Variants in GALNT9 observed in about 807,000 individuals in gnomAD.
The protein encoded by GALNT9 is GalNAc transferase 9.
Under a neutral mutation model 63.1 loss-of-function variants are expected in GALNT9, and 47 were observed. That is an observed-to-expected ratio of 0.75 (90% CI 0.59 to 0.95). The LOEUF (loss-of-function observed/expected upper bound fraction) is 0.95, where lower values mean the gene tolerates loss of function less well. Ranked by LOEUF, GALNT9 falls within the 40% of genes least tolerant of loss-of-function variation. The pLI, the probability that GALNT9 is intolerant of heterozygous loss-of-function variation, is 0.00. For missense variants in GALNT9, 829 were observed against 874.8 expected, an observed-to-expected ratio of 0.95 and a Z score of 0.66; for synonymous variants, 396 against 365.7, an observed-to-expected ratio of 1.08 and a Z score of -0.94.
At chr12:132,287,827 A>AG (rs1338196363) in intron 1 of GALNT9, among the ~76,000 whole-genome samples, 1 of 151,908 alleles carries the variant, frequency 6.6e-6, no homozygotes, top group Non-Finnish European at 1.5e-5. Context: ...TGCTGTTCCC[A>AG]GGGGGACGGG....
chr12:132,226,384 C>T (rs1771618187), intron 6 of GALNT9, among the ~76,000 whole-genome samples: 1 of 151,200 alleles, frequency 6.6e-6, no homozygotes, highest in African/African-American at 2.4e-5. Flanking sequence ...TGTACATACA[C>T]ATCCCACACA....
intron 2 of GALNT9, chr12:132,276,378 CA>C (rs782041456): frequency 6.4e-6 from 1 of 155,116 alleles, no homozygotes; most frequent in Non-Finnish European, 1.5e-5. Flanking sequence ...CGCCTATCTC[CA>C]CGATGGTACC....
chr12:132,208,323 A>T (rs1876812593), intron 6 of GALNT9, among the ~76,000 whole-genome samples: 1 of 152,224 alleles, frequency 6.6e-6, no homozygotes, highest in Non-Finnish European at 1.5e-5. Context: ...CTAGAGGAAG[A>T]TCAGGTGAAG....
chr12:132,207,746 G>C (rs1053631619), intron 6 of GALNT9, among the ~76,000 whole-genome samples: 3 of 152,196 alleles, frequency 2.0e-5, no homozygotes, highest in Non-Finnish European at 4.4e-5. Flanking sequence ...AGCTTTCGGG[G>C]TGTGTGAGGT....
chr12:132,209,887 A>G (rs1278923156), intron 6 of GALNT9, among the ~76,000 whole-genome samples: 1 of 152,130 alleles, frequency 6.6e-6, no homozygotes, highest in Non-Finnish European at 1.5e-5. Flanking sequence ...CCTGGGGGCC[A>G]CTCTGCCTGT....
chr12:132,296,291 C>T lies in GALNT9; in HGVS notation c.239-9861G>A, dbSNP rs73475810. 0.019 allele frequency among the ~76,000 whole-genome samples: 2,961 copies of T among 152,356 alleles called. 113 individuals are homozygous for T. The highest frequency in any genetic ancestry group is 0.067 in the African/African-American group (2,799 of 41,578). ...ATGACCGCACAGCCTCATGCTCACG[C>T]CAGCCGTCCAGCCCACTCAGACCAG... On this transcript the variant is annotated intron_variant, in intron 1 of 10. Coordinates refer to ENST00000328957, the MANE Select transcript of GALNT9 (RefSeq NM_001122636.2). The surrounding 1 kb of genome is among the most constrained non-coding windows in gnomAD (Gnocchi z 4.2).
At chr12:132,223,258 CACACACCCATCCT>C (rs1877545887) in intron 6 of GALNT9, among the ~76,000 whole-genome samples, 1 of 98,616 alleles carries the variant, frequency 1.0e-5, no homozygotes. Context: ...ACATACACCC[CACACACCCATCCT>C]ACACAACCCA....
At chr12:132,272,022 C>T (rs1207491561) in intron 2 of GALNT9, among the ~76,000 whole-genome samples, 1 of 151,976 alleles carries the variant, frequency 6.6e-6, no homozygotes, top group Non-Finnish European at 1.5e-5. Flanking sequence ...CCAGAGGCTG[C>T]GCTCGAGGGC....
At chr12:132,219,734 C>T (rs527719124) in intron 6 of GALNT9, among the ~76,000 whole-genome samples, 4 of 139,486 alleles carry the variant, frequency 2.9e-5, no homozygotes, top group South Asian at 2.5e-4. Context: ...GGGTGACACC[C>T]GCCCGGGTAA....
intron 6 of GALNT9, among the ~76,000 whole-genome samples, chr12:132,212,793 C>A: frequency 2.7e-5 from 1 of 36,936 alleles, no homozygotes; most frequent in Non-Finnish European, 5.2e-5. Context: ...CTGCAGCCCT[C>A]AGACCGTGAC....
intron 2 of GALNT9, among the ~76,000 whole-genome samples, chr12:132,276,940 G>A (rs1880118412): frequency 6.6e-6 from 1 of 151,774 alleles, no homozygotes; most frequent in African/African-American, 2.4e-5. Flanking sequence ...ACACATCTGT[G>A]GACACACACA....
chr12:132,268,077 TCA>T (rs1555240404), intron 2 of GALNT9, among the ~76,000 whole-genome samples: 1 of 136,074 alleles, frequency 7.3e-6, no homozygotes, highest in Non-Finnish European at 1.6e-5. Flanking sequence ...ACTCACGCAG[TCA>T]CATGCACACA....
chr12:132,241,038 T>A (rs1591588582), intron 6 of GALNT9, among the ~76,000 whole-genome samples: 3 of 133,116 alleles, frequency 2.3e-5, no homozygotes, highest in Admixed American at 1.4e-4. Flanking sequence ...ACACACACCC[T>A]TCCAGGGGCC....
At chr12:132,211,316 C>T (rs908535332) in intron 6 of GALNT9, among the ~76,000 whole-genome samples, 3 of 152,310 alleles carry the variant, frequency 2.0e-5, no homozygotes, top group East Asian at 3.9e-4. Flanking sequence ...GAACTTATTT[C>T]TCATTGGCAA....
chr12:132,222,989 ACC>A (rs1877523459), intron 6 of GALNT9, among the ~76,000 whole-genome samples: 1 of 116,720 alleles, frequency 8.6e-6, no homozygotes, highest in South Asian at 2.8e-4. Context: ...CACAACCCAC[ACC>A]CCACATACAC....
In GALNT9 at chr12:132,319,595, T is replaced by A. The variant is rs898708666; in HGVS notation, c.238+9371A>T. 1.8e-4 allele frequency among the ~76,000 whole-genome samples: 28 copies of A among 152,074 alleles called. No individual in the cohort carries two copies. Among genetic ancestry groups the A allele is most frequent in the Admixed American group, 6.5e-5 (1 of 15,274 alleles). On this transcript the variant is annotated intron_variant, in intron 1 of 10. Coordinates refer to ENST00000328957, the MANE Select transcript of GALNT9 (RefSeq NM_001122636.2). This position sits in a 1 kb window ranked among gnomAD's most constrained non-coding sequence, Gnocchi z 5.2. ...ACATCTCCTCTTGGGTCTCTCTCTATCCGCCGGCTCCTTTCCTCGGGAGAG... is the reference window on the plus strand; with the variant it reads ...ACATCTCCTCTTGGGTCTCTCTCTAACCGCCGGCTCCTTTCCTCGGGAGAG...
At chr12:132,226,431 T>C (rs1262320105) in intron 6 of GALNT9, among the ~76,000 whole-genome samples, 1 of 130,846 alleles carries the variant, frequency 7.6e-6, no homozygotes, top group East Asian at 2.6e-4. Context: ...CACCCCACAC[T>C]GTACAGACAT....
intron 10 of GALNT9, 30 bp from the exon 11 acceptor site, chr12:132,197,283 G>C: frequency 5.0e-6 from 8 of 1,605,688 alleles, no homozygotes; most frequent in Middle Eastern, 1.7e-4. Context: ...AAGTCAGCCA[G>C]GTGCAGGCGT....
chr12:132,247,040 A>G (rs1555238042), intron 6 of GALNT9, among the ~76,000 whole-genome samples: 1 of 152,234 alleles, frequency 6.6e-6, no homozygotes, highest in Non-Finnish European at 1.5e-5. Context: ...TAGAAGCCCC[A>G]TGGGCAAAAC....
Sources: gnomAD v4.1 joint callset for allele counts (sites outside exome capture counted in the v4.1 genomes callset) on GRCh38, gnomAD v4.1.1 for gene constraint, Gnocchi (gnomAD v3.1) non-coding constraint, MANE v1.5 for transcripts, NCBI Gene and HGNC (gene_info 2026-07-23, HGNC 2026-07-21) for gene names.